TBC1D25: variants seen among roughly 807,000 people sequenced by gnomAD.
TBC1D25 encodes the protein 5SN3 snoRNA.
TBC1D25 carries 13 observed loss-of-function variants against 38.8 expected under a neutral mutation model. The ratio of observed to expected loss-of-function variants is 0.34; its 90% confidence interval spans 0.22 to 0.53. The LOEUF (loss-of-function observed/expected upper bound fraction) is 0.53, where lower values mean the gene tolerates loss of function less well. Among genes scored for constraint, TBC1D25 ranks in the 20% least tolerant of loss-of-function variants. TBC1D25 has a pLI of 0.94. For synonymous variants in TBC1D25, 225 were observed against 255.6 expected, an observed-to-expected ratio of 0.88 and a Z score of 1.14; for missense variants, 372 against 600.0, an observed-to-expected ratio of 0.62 and a Z score of 3.97.
At chrX:48,541,304 G>C in intron 1 of TBC1D25, 29 bp from the exon 2 acceptor site, 6 of 1,198,431 alleles carry the variant, frequency 5.0e-6, no homozygotes, top group Middle Eastern at 2.4e-4. Flanking sequence ...GGGGCCCCTG[G>C]TGGCCTACCC....
chrX:48,548,229 C>T (rs369654519), intron 3 of TBC1D25, among the ~76,000 whole-genome samples: 4 of 108,283 alleles, frequency 3.7e-5, no homozygotes, highest in East Asian at 5.9e-4. Flanking sequence ...AATTGTCCCA[C>T]GTCAGCCTCC....
chrX:48,542,419 C>T (rs1157263836), intron 2 of TBC1D25, among the ~76,000 whole-genome samples: 1 of 109,683 alleles, frequency 9.1e-6, no homozygotes, highest in Non-Finnish European at 1.9e-5. Context: ...CTGTCCACCT[C>T]GGCCTCCCAA....
intron 2 of TBC1D25, among the ~76,000 whole-genome samples, chrX:48,544,085 CAG>C (rs2061863859): frequency 9.0e-6 from 1 of 111,476 alleles, no homozygotes; most frequent in East Asian, 2.8e-4. Flanking sequence ...GAAATTCAAA[CAG>C]TACACAATTG....
intron 3 of TBC1D25, among the ~76,000 whole-genome samples, chrX:48,548,900 T>C (rs1422353434): frequency 8.9e-6 from 1 of 112,484 alleles, no homozygotes; most frequent in Non-Finnish European, 1.9e-5. Flanking sequence ...GGCATTCTCA[T>C]GATCATTTTC....
At chrX:48,550,998 C>A (rs1443702200) in intron 3 of TBC1D25, among the ~76,000 whole-genome samples, 1 of 111,351 alleles carries the variant, frequency 9.0e-6, no homozygotes, top group African/African-American at 3.3e-5. Context: ...TCTATAGAAA[C>A]CTTAAGATAA....
chrX:48,549,102 G>A (rs782789701), intron 3 of TBC1D25, among the ~76,000 whole-genome samples: 2 of 112,720 alleles, frequency 1.8e-5, no homozygotes, highest in East Asian at 5.6e-4. Context: ...GGAATGCAGT[G>A]ACGCAAATAT....
chrX:48,547,110 A>G (rs1379024644), intron 3 of TBC1D25, among the ~76,000 whole-genome samples: 2 of 111,933 alleles, frequency 1.8e-5, no homozygotes, highest in African/African-American at 3.2e-5. Context: ...TAGAGTAGGG[A>G]CAATCATTTT....
chrX:48,549,514 G>A (rs1211453211), intron 3 of TBC1D25, among the ~76,000 whole-genome samples: 1 of 112,600 alleles, frequency 8.9e-6, no homozygotes, highest in African/African-American at 3.2e-5. Flanking sequence ...TTTATTGCAG[G>A]TGGAGGGACA....
chrX:48,559,586 C>T, intron 5 of TBC1D25, 28 bp from the exon 6 acceptor site: 1 of 1,194,991 alleles, frequency 8.4e-7, no homozygotes, highest in Non-Finnish European at 1.1e-6. Flanking sequence ...TGGAGAACTC[C>T]AGCCTCATCC....
Position 48,561,063 on chromosome X carries a change from G to A in TBC1D25, c.*88G>A. On this transcript the variant is annotated 3_prime_UTR_variant, in exon 6 of 6. Transcript: ENST00000376771. Reference sequence around the variant, plus strand: ...CACATGAGACCCCACCTCCCTCCCTGCCTGCCAGCCCTAGACTTGTTGGAG... The same window carrying A: ...CACATGAGACCCCACCTCCCTCCCTACCTGCCAGCCCTAGACTTGTTGGAG... 1 of 1,015,955 alleles carries A rather than the reference G, an allele frequency of 9.8e-7. No individual in the cohort carries two copies. The highest frequency in any genetic ancestry group is 3.3e-5 in the East Asian group (1 of 30,413). 83.7% of individuals were successfully genotyped at this position (1,015,955 alleles called of 1,213,427 possible). A position where few individuals can be genotyped will look rare whatever the true frequency, so the allele number is the denominator to read the frequency against.
rs782638727 is a variant in TBC1D25, at chrX:48,560,539, T to G, written c.1631T>G (p.Leu544Trp). ...TCCAAGTCCCTCTCTGAGCCTTTAT[T>G]GAACTCCCCAGACCCACTGCTCTCC... ...ISSKSLSEPLLNSPDPLLSSF... is the reference protein window; with the variant it reads ...ISSKSLSEPLWNSPDPLLSSF... The change falls in exon 6 of 6, where the codon TTG (leucine) becomes TGG (tryptophan). Residue 544 changes from leucine (L) to tryptophan (W), a missense_variant. Physicochemically the swap from Leu to Trp is moderately conservative, Grantham distance 61. Coordinates refer to ENST00000376771, the MANE Select transcript of TBC1D25 (RefSeq NM_002536.4). 5.8e-6 allele frequency: 7 copies of G among 1,208,416 alleles called. No individual in the cohort carries two copies. The highest frequency in any genetic ancestry group is 5.6e-6 in the Non-Finnish European group (5 of 894,360).
intron 3 of TBC1D25, among the ~76,000 whole-genome samples, chrX:48,552,920 G>A (rs2061946605): frequency 9.2e-6 from 1 of 109,245 alleles, no homozygotes; most frequent in African/African-American, 3.3e-5. Flanking sequence ...CTCTTGAGTA[G>A]CTGGGGTAAC....
intron 3 of TBC1D25, among the ~76,000 whole-genome samples, chrX:48,552,867 G>A (rs782563338): frequency 5.1e-4 from 55 of 107,702 alleles, no homozygotes; most frequent in African/African-American, 1.7e-3. Context: ...TCAGCTTACC[G>A]CAACCTCCTC....
intron 3 of TBC1D25, among the ~76,000 whole-genome samples, chrX:48,548,705 G>T (rs781954687): frequency 9.0e-6 from 1 of 111,590 alleles, no homozygotes; most frequent in African/African-American, 3.3e-5. Context: ...CGAGGGAATC[G>T]GTTTGATGTG....
chrX:48,541,203 T>C, intron 1 of TBC1D25, 130 bp from the exon 2 acceptor site: 2 of 562,644 alleles, frequency 3.6e-6, no homozygotes, highest in Non-Finnish European at 6.3e-6. Context: ...CACTGGACCC[T>C]GTGGTCCAGA....
In TBC1D25 at chrX:48,539,736, TAG is replaced by T. The variant is rs782354828; in HGVS notation, c.-59_-58del. ...GGTGGGGCGGCGGGCGTCAGTACAG[TAG>T]AGTGTGCGCCGGGGTGGGGGGCAAC... On this transcript the variant is annotated 5_prime_UTR_variant, in exon 1 of 6. Transcript: ENST00000376771. 1.1e-6 allele frequency: 1 copy of T among 934,508 alleles called. No individual in the cohort carries two copies. The highest frequency in any genetic ancestry group is 2.1e-5 in the African/African-American group (1 of 47,599). The allele number at this position is 934,508 out of a possible 1,213,427, so 77.0% of individuals were successfully genotyped here. A position where few individuals can be genotyped will look rare whatever the true frequency, so the allele number is the denominator to read the frequency against.
chrX:48,547,666 G>A (rs1337301909), intron 3 of TBC1D25, among the ~76,000 whole-genome samples: 2 of 112,330 alleles, frequency 1.8e-5, no homozygotes, highest in African/African-American at 6.4e-5. Flanking sequence ...GCCAGGCGCC[G>A]TGGCTCACGC....
chrX:48,556,737 ACTCCGT>A (rs1406590955), intron 3 of TBC1D25, among the ~76,000 whole-genome samples: 1 of 70,937 alleles, frequency 1.4e-5, no homozygotes, highest in East Asian at 4.3e-4. Flanking sequence ...ACAGAACAAG[ACTCCGT>A]CTCAAAAAAA....
chrX:48,551,699 C>G (rs55862560), intron 3 of TBC1D25, among the ~76,000 whole-genome samples: 31,071 of 106,495 alleles, frequency 0.29, 3,727 homozygotes, highest in East Asian at 0.43. Context: ...TCTCAGCTCA[C>G]TGTAACCCCT....
Sources: gnomAD v4.1 joint callset for allele counts (sites outside exome capture counted in the v4.1 genomes callset) on GRCh38, gnomAD v4.1.1 for gene constraint, MANE v1.5 for transcripts, NCBI Gene and HGNC (gene_info 2026-07-23, HGNC 2026-07-21) for gene names.